Variants in LDLRAD3 observed in about 807,000 individuals in gnomAD.
LDLRAD3 encodes the protein low density lipoprotein receptor class A domain containing 3.
In LDLRAD3, 20 loss-of-function variants were observed where a neutral mutation model predicts 29.4. The observed-to-expected ratio is 0.68, with a 90% CI of 0.48 to 0.99. LDLRAD3 has a LOEUF of 0.99. Ranked by LOEUF, LDLRAD3 falls within the 50% of genes least tolerant of loss-of-function variation. LDLRAD3 has a pLI of 0.00. For missense variants in LDLRAD3, 420 were observed against 454.3 expected, an observed-to-expected ratio of 0.92 and a Z score of 0.69; for synonymous variants, 157 against 192.7, an observed-to-expected ratio of 0.81 and a Z score of 1.53.
chr11:35,949,199 C>G (rs1379129978), intron 1 of LDLRAD3, among the ~76,000 whole-genome samples: 3 of 152,164 alleles, frequency 2.0e-5, no homozygotes. Context: ...GACCCTTTCC[C>G]TCTCGCTTTC....
intron 1 of LDLRAD3, among the ~76,000 whole-genome samples, chr11:35,978,160 T>A (rs1851497795): frequency 6.6e-6 from 1 of 152,244 alleles, no homozygotes; most frequent in South Asian, 2.1e-4. Context: ...TCCCAAGTGA[T>A]GCAAGGTAAG....
chr11:36,099,709 A>G (rs1276315113), intron 4 of LDLRAD3, among the ~76,000 whole-genome samples: 1 of 152,244 alleles, frequency 6.6e-6, no homozygotes, highest in Non-Finnish European at 1.5e-5. Flanking sequence ...TTATGCTATT[A>G]AAAATGAACG....
At chr11:35,989,571 T>A (rs920812867) in intron 1 of LDLRAD3, among the ~76,000 whole-genome samples, 1 of 152,192 alleles carries the variant, frequency 6.6e-6, no homozygotes, top group African/African-American at 2.4e-5. Flanking sequence ...TAATTCTCCT[T>A]ATAGAGATCT....
intron 4 of LDLRAD3, chr11:36,196,760 A>C (rs191697181): frequency 6.6e-6 from 1 of 152,332 alleles, no homozygotes; most frequent in Non-Finnish European, 1.5e-5. Flanking sequence ...TGCTAAGTCC[A>C]TGCAAATATA....
chr11:36,090,698 G>A (rs1853267620), intron 3 of LDLRAD3, among the ~76,000 whole-genome samples: 1 of 152,184 alleles, frequency 6.6e-6, no homozygotes, highest in Non-Finnish European at 1.5e-5. Context: ...CTTAGAGCCT[G>A]AGGAAAAGGG....
At chr11:35,968,597 TG>T in intron 1 of LDLRAD3, 1 of 187,068 alleles carries the variant, frequency 5.3e-6, no homozygotes, top group Non-Finnish European at 1.1e-5. Flanking sequence ...GATCTGGCTC[TG>T]GGCCTCCCTG....
chr11:36,059,251 C>G (rs1383531968), intron 2 of LDLRAD3, among the ~76,000 whole-genome samples: 2 of 151,816 alleles, frequency 1.3e-5, no homozygotes, highest in African/African-American at 4.8e-5. Flanking sequence ...GTAGTTCCAG[C>G]TACTCAGGAG....
At chr11:35,996,290 C>T (rs909465064) in intron 1 of LDLRAD3, among the ~76,000 whole-genome samples, 7 of 151,918 alleles carry the variant, frequency 4.6e-5, no homozygotes, top group African/African-American at 1.7e-4. Context: ...TAGGGAGGCC[C>T]GAGGAGAGGT....
intron 4 of LDLRAD3, among the ~76,000 whole-genome samples, chr11:36,133,867 A>G (rs989544538): frequency 6.6e-6 from 1 of 152,012 alleles, no homozygotes; most frequent in South Asian, 2.1e-4. Context: ...AAAATGGTCC[A>G]GTTCTGCTTG....
chr11:35,961,154 C>A (rs1344289684), intron 1 of LDLRAD3, among the ~76,000 whole-genome samples: 1 of 152,002 alleles, frequency 6.6e-6, no homozygotes, highest in Non-Finnish European at 1.5e-5. Context: ...GATTCTGGTG[C>A]CCCCGTGGCT....
chr11:36,050,658 G>A lies in LDLRAD3; in HGVS notation c.193+14409G>A, dbSNP rs183343736. On this transcript the variant is annotated intron_variant, in intron 2 of 5. Transcript: ENST00000315571. ...GACTGCTGCATCCTCTCTATTTTTCGTCACTACTGGCACTCAGAGCCTATA... is the reference window on the plus strand; with the variant it reads ...GACTGCTGCATCCTCTCTATTTTTCATCACTACTGGCACTCAGAGCCTATA... 1.9e-3 allele frequency among the ~76,000 whole-genome samples: 292 copies of A among 152,258 alleles called. 1 individual carries two copies. The highest frequency in any genetic ancestry group is 6.5e-3 in the African/African-American group (271 of 41,550).
In LDLRAD3 at chr11:36,184,035, G is replaced by A. The variant is rs767235869; in HGVS notation, c.455-43050G>A. The A allele has an allele frequency of 3.4e-5, 10 of 296,288 alleles. 1 individual carries two copies. Among genetic ancestry groups the A allele is most frequent in the South Asian group, 1.3e-4 (5 of 38,552 alleles). 18.4% of individuals were successfully genotyped at this position (296,288 alleles called of 1,614,324 possible). On this transcript the variant is annotated intron_variant, in intron 4 of 5. Transcript: ENST00000315571. ...AGCCTGGAATGCAGTGGCACATCTCGGCTCACCGCAACCTCCACCTTCCGG... is the reference window on the plus strand; with the variant it reads ...AGCCTGGAATGCAGTGGCACATCTCAGCTCACCGCAACCTCCACCTTCCGG...
At chr11:36,083,432 G>A (rs759207647) in intron 3 of LDLRAD3, among the ~76,000 whole-genome samples, 1 of 151,984 alleles carries the variant, frequency 6.6e-6, no homozygotes, top group Non-Finnish European at 1.5e-5. Context: ...CCCATATCCC[G>A]TAAGTTAGAA....
intron 1 of LDLRAD3, among the ~76,000 whole-genome samples, chr11:35,962,925 T>C (rs993867789): frequency 6.6e-5 from 10 of 152,120 alleles, no homozygotes; most frequent in Non-Finnish European, 1.3e-4. Context: ...ATGGAAATAA[T>C]GTGGTAAAGA....
At chr11:36,104,125 C>T (rs1853491272) in intron 4 of LDLRAD3, among the ~76,000 whole-genome samples, 1 of 152,206 alleles carries the variant, frequency 6.6e-6, no homozygotes, top group Non-Finnish European at 1.5e-5. Flanking sequence ...TAGCTCTCTC[C>T]CACTCTTGAG....
intron 1 of LDLRAD3, among the ~76,000 whole-genome samples, chr11:36,015,325 C>T (rs1852008077): frequency 6.8e-6 from 1 of 146,724 alleles, no homozygotes; most frequent in Non-Finnish European, 1.5e-5. Flanking sequence ...CCGCCCCCTG[C>T]CCCCATTGCC....
At chr11:36,033,951 A>G (rs1272792318) in intron 1 of LDLRAD3, among the ~76,000 whole-genome samples, 1 of 152,218 alleles carries the variant, frequency 6.6e-6, no homozygotes, top group African/African-American at 2.4e-5. Context: ...GAGAAATAGT[A>G]GCATAATACC....
chr11:36,069,004 C>T (rs1852847106), intron 2 of LDLRAD3, among the ~76,000 whole-genome samples: 1 of 152,210 alleles, frequency 6.6e-6, no homozygotes, highest in African/African-American at 2.4e-5. Flanking sequence ...TGGTCTGTTG[C>T]TCTTTCACTC....
intron 4 of LDLRAD3, among the ~76,000 whole-genome samples, chr11:36,188,388 A>C (rs1426564798): frequency 1.4e-5 from 2 of 147,592 alleles, no homozygotes; most frequent in African/African-American, 5.3e-5. Context: ...AAAAAAAAAA[A>C]AAAAAAAAAA....
Sources: gnomAD v4.1 joint callset for allele counts (sites outside exome capture counted in the v4.1 genomes callset) on GRCh38, gnomAD v4.1.1 for gene constraint, MANE v1.5 for transcripts, NCBI Gene and HGNC (gene_info 2026-07-23, HGNC 2026-07-21) for gene names.